The following SPATA16 variants were observed in gnomAD, a reference collection of about 807,000 sequenced individuals.
SPATA16 encodes spermatogenesis associated 16.
In SPATA16, 36 loss-of-function variants were observed where a neutral mutation model predicts 63.3. The observed-to-expected ratio is 0.57, with a 90% CI of 0.44 to 0.75. The LOEUF is 0.75. SPATA16 is among the 30% of genes least tolerant of loss of function. The probability of loss-of-function intolerance (pLI) is 0.00; values close to 1 mark genes in which losing one functional copy is unlikely to be tolerated. For synonymous variants in SPATA16, 203 were observed against 216.7 expected (o/e 0.94, Z 0.56); for missense variants, 646 against 679.3 (o/e 0.95, Z 0.54).
chr3:172,889,583 A>G lies in SPATA16; in HGVS notation c.1697T>C (p.Val566Ala). The G allele has an allele frequency of 1.2e-6, 2 of 1,613,780 alleles. No homozygotes were observed. The highest frequency in any genetic ancestry group is 1.1e-5 in the South Asian group (1 of 91,070). ...QKTKMKRLQT[V>A]QQR ...GCTCCCTAATGACTACCTTTGCTGAACAGTTTGAAGTCGCTTCATTTTTGT... is the reference window on the plus strand; with the variant it reads ...GCTCCCTAATGACTACCTTTGCTGAGCAGTTTGAAGTCGCTTCATTTTTGT... Residue 566 changes from valine (V) to alanine (A), a missense_variant, in exon 11 of 11, where the codon GTT becomes GCT. By Grantham distance (64) the Val-to-Ala change is moderately conservative. Transcript: ENST00000351008.
chr3:172,958,691 CA>C (rs1560079090), intron 5 of SPATA16, among the ~76,000 whole-genome samples: 1 of 152,154 alleles, frequency 6.6e-6, no homozygotes, highest in African/African-American at 2.4e-5. Flanking sequence ...GTGGTGTCAG[CA>C]GGTTTGGTTT....
rs957828833 is a variant in SPATA16, at chr3:172,982,476, A to G, written c.849-5424T>C. On this transcript the variant is annotated intron_variant, in intron 4 of 10. Transcript: ENST00000351008. ...TACATGATGCCTTCAGTCATATGTCAGCAGTTATTGCTTCCCTGCAAGGAA... is the reference window on the plus strand; with the variant it reads ...TACATGATGCCTTCAGTCATATGTCGGCAGTTATTGCTTCCCTGCAAGGAA... Among the ~76,000 whole-genome samples, 3 of 152,234 alleles carry G rather than the reference A, an allele frequency of 2.0e-5. 1 individual carries two copies. The highest frequency in any genetic ancestry group is 4.4e-5 in the Non-Finnish European group (3 of 68,042).
intron 9 of SPATA16, 55 bp from the exon 10 acceptor site, chr3:172,913,799 C>T: frequency 6.9e-7 from 1 of 1,447,102 alleles, no homozygotes; most frequent in Non-Finnish European, 9.7e-7. Context: ...AATAACTTCT[C>T]TAAATACACA....
intron 10 of SPATA16, among the ~76,000 whole-genome samples, chr3:172,892,041 G>A (rs1038165853): frequency 6.6e-6 from 1 of 152,114 alleles, no homozygotes; most frequent in Admixed American, 6.6e-5. Context: ...CCTACTCCCT[G>A]ATAAAAGACT....
intron 3 of SPATA16, among the ~76,000 whole-genome samples, chr3:173,044,494 A>T (rs555010088): frequency 6.6e-6 from 1 of 152,250 alleles, no homozygotes; most frequent in African/African-American, 2.4e-5. Flanking sequence ...CTCTTCACTC[A>T]TTACAACTAT....
At chr3:173,058,100 T>C (rs1308160742) in intron 2 of SPATA16, among the ~76,000 whole-genome samples, 1 of 152,204 alleles carries the variant, frequency 6.6e-6, no homozygotes, top group Non-Finnish European at 1.5e-5. Context: ...TGACTAAATC[T>C]ATATGAATTT....
intron 5 of SPATA16, among the ~76,000 whole-genome samples, chr3:172,971,998 A>C (rs1020637620): frequency 6.6e-6 from 1 of 152,194 alleles, no homozygotes; most frequent in Non-Finnish European, 1.5e-5. Context: ...GTCTTTGAGC[A>C]TGTGGCTGTG....
intron 10 of SPATA16, among the ~76,000 whole-genome samples, chr3:172,901,192 AAC>A (rs1732119194): frequency 6.6e-6 from 1 of 151,964 alleles, no homozygotes; most frequent in African/African-American, 2.4e-5. Context: ...CCTGCTTTAA[AAC>A]ATCAGATAAT....
intron 5 of SPATA16, among the ~76,000 whole-genome samples, chr3:172,964,706 T>C (rs2108242146): frequency 6.6e-6 from 1 of 152,342 alleles, no homozygotes; most frequent in Non-Finnish European, 1.5e-5. Context: ...TTGTATTTCT[T>C]GACCGTGGTT....
At chr3:173,014,497 C>CTGGG (rs1735137228) in intron 4 of SPATA16, among the ~76,000 whole-genome samples, 1 of 152,154 alleles carries the variant, frequency 6.6e-6, no homozygotes, top group African/African-American at 2.4e-5. Flanking sequence ...TGCTCACTAC[C>CTGGG]TGGGTAACAG....
chr3:173,056,572 C>T (rs1018274253), intron 2 of SPATA16, among the ~76,000 whole-genome samples: 4 of 151,810 alleles, frequency 2.6e-5, no homozygotes, highest in African/African-American at 7.3e-5. Context: ...GAAGTGGTGG[C>T]GGGCCCCTGT....
At chr3:173,082,723 C>T (rs1736955429) in intron 2 of SPATA16, among the ~76,000 whole-genome samples, 1 of 152,186 alleles carries the variant, frequency 6.6e-6, no homozygotes, top group Admixed American at 6.6e-5. Flanking sequence ...GTGTGCCTCT[C>T]TCTTTGCCTA....
At chr3:172,910,357 G>T (rs1338514976) in intron 10 of SPATA16, among the ~76,000 whole-genome samples, 1 of 152,244 alleles carries the variant, frequency 6.6e-6, no homozygotes, top group South Asian at 2.1e-4. Flanking sequence ...CTTCCAAAGT[G>T]CTGGGGTTAC....
At chr3:172,980,679 C>G (rs556179443) in intron 4 of SPATA16, among the ~76,000 whole-genome samples, 1 of 152,282 alleles carries the variant, frequency 6.6e-6, no homozygotes, top group South Asian at 2.1e-4. Context: ...AAGTATCTCA[C>G]TCTTCTAGTT....
intron 3 of SPATA16, among the ~76,000 whole-genome samples, chr3:173,040,341 T>TA (rs1274256077): frequency 6.6e-6 from 1 of 152,186 alleles, no homozygotes; most frequent in Non-Finnish European, 1.5e-5. Flanking sequence ...CCTATGTATT[T>TA]ACCCTGCAAG....
In SPATA16 at chr3:173,108,958, C is replaced by G. The variant is rs945712805; in HGVS notation, c.612+8162G>C. Among the ~76,000 whole-genome samples, 8 of 152,292 alleles carry G rather than the reference C, an allele frequency of 5.3e-5. No homozygotes were observed. The East Asian group carries it at 9.6e-4, about 18-fold the overall frequency. On this transcript the variant is annotated intron_variant, in intron 2 of 10. Coordinates refer to ENST00000351008, the MANE Select transcript of SPATA16 (RefSeq NM_031955.6). ...GCACAATGACAAAATTGCCTAATGA[C>G]ACATTTCTCAGAATGTATCTCTATT...
At chr3:173,052,182 T>G (rs1736116152) in intron 2 of SPATA16, among the ~76,000 whole-genome samples, 1 of 152,174 alleles carries the variant, frequency 6.6e-6, no homozygotes, top group African/African-American at 2.4e-5. Context: ...AGGTTCTTCA[T>G]GGCAGGCAGG....
chr3:172,889,677 C>A lies in SPATA16; in HGVS notation c.1603G>T (p.Asp535Tyr). ...NMIQKVGQIE[D>Y]FLYQLEDSFL... ...CTGTCCTCTAATTGGTATAGAAAAT[C>A]TTCAATTTGTCCAACCTAGAAGAAA... Residue 535 changes from aspartate to tyrosine, a missense_variant, in exon 11 of 11, where the codon GAT (aspartate) becomes TAT (tyrosine). Physicochemically the swap from Asp to Tyr is radical, Grantham distance 160. Coordinates refer to ENST00000351008, the MANE Select transcript of SPATA16 (RefSeq NM_031955.6). The A allele has an allele frequency of 6.2e-7, 1 of 1,612,320 alleles. No individual in the cohort carries two copies. The highest frequency in any genetic ancestry group is 8.5e-7 in the Non-Finnish European group (1 of 1,179,240).
chr3:172,954,374 T>C (rs1733521749), intron 6 of SPATA16, among the ~76,000 whole-genome samples: 1 of 152,156 alleles, frequency 6.6e-6, no homozygotes, highest in Admixed American at 6.6e-5. Context: ...CATGATTCAA[T>C]TATCTCCACC....
Sources: allele counts gnomAD v4.1 joint callset (sites outside exome capture counted in the v4.1 genomes callset), GRCh38; gene constraint gnomAD v4.1.1; transcripts MANE v1.5; gene names NCBI Gene and HGNC (gene_info 2026-07-23, HGNC 2026-07-21).